The following NBAS variants were observed in gnomAD, a reference collection of about 807,000 sequenced individuals.
The protein encoded by NBAS is NBAS subunit of NRZ tethering complex.
In NBAS, 219 loss-of-function variants were observed where a neutral mutation model predicts 302.5. That is an observed-to-expected ratio of 0.72 (90% CI 0.65 to 0.81). The LOEUF (loss-of-function observed/expected upper bound fraction) is 0.81, where lower values mean the gene tolerates loss of function less well. Ranked by LOEUF, NBAS falls within the 30% of genes least tolerant of loss-of-function variation. The probability of loss-of-function intolerance (pLI) is 0.00; values close to 1 mark genes in which losing one functional copy is unlikely to be tolerated. For synonymous variants in NBAS, 1,118 were observed against 1,021.6 expected (o/e 1.09, Z -1.80); for missense variants, 2,932 against 2,841.6 (o/e 1.03, Z -0.72).
At chr2:15,121,233 T>C in the NBAS span, among the ~76,000 whole-genome samples, 1 of 152,224 alleles carries the variant, frequency 6.6e-6, no homozygotes, top group Non-Finnish European at 1.5e-5. Flanking sequence ...AGAACAAGCA[T>C]ACTATATCTT....
At chr2:14,923,369 A>G in the NBAS span, among the ~76,000 whole-genome samples, 2 of 152,148 alleles carry the variant, frequency 1.3e-5, no homozygotes, top group African/African-American at 4.8e-5. Context: ...GTAAATGCTA[A>G]TAGAGTTTGT....
the NBAS span, among the ~76,000 whole-genome samples, chr2:14,809,189 C>G: frequency 6.6e-6 from 1 of 152,170 alleles, no homozygotes; most frequent in Non-Finnish European, 1.5e-5. Context: ...GAAATTCAAG[C>G]TGGTTGCAGA....
chr2:15,507,109 G>A (rs1661894455), intron 10 of NBAS, among the ~76,000 whole-genome samples: 1 of 152,158 alleles, frequency 6.6e-6, no homozygotes, highest in South Asian at 2.1e-4. Context: ...CATGCTACAT[G>A]CTGATAAACC....
chr2:15,266,179 G>A (rs1382904209), intron 44 of NBAS, among the ~76,000 whole-genome samples: 3 of 152,146 alleles, frequency 2.0e-5, no homozygotes, highest in Admixed American at 6.5e-5. Context: ...CTCCATGATT[G>A]TAAGTTTCCT....
At chr2:15,287,553 T>C (rs1359602720) in intron 41 of NBAS, among the ~76,000 whole-genome samples, 1 of 152,148 alleles carries the variant, frequency 6.6e-6, no homozygotes, top group Non-Finnish European at 1.5e-5. Flanking sequence ...CTGAGCATCC[T>C]GCATAGACAG....
intron 25 of NBAS, among the ~76,000 whole-genome samples, chr2:15,410,192 TTTTTC>T (rs1572803973): frequency 1.3e-5 from 2 of 152,216 alleles, no homozygotes; most frequent in African/African-American, 2.4e-5. Flanking sequence ...TTATTTCTTC[TTTTTC>T]TTTTATTTTC....
chr2:15,258,558 C>CT (rs1034898993), intron 44 of NBAS, among the ~76,000 whole-genome samples: 1 of 152,138 alleles, frequency 6.6e-6, no homozygotes, highest in Non-Finnish European at 1.5e-5. Context: ...CTGGGAGTGT[C>CT]TGTCCTACGC....
the NBAS span, among the ~76,000 whole-genome samples, chr2:14,790,131 G>C: frequency 2.0e-5 from 3 of 152,176 alleles, no homozygotes; most frequent in African/African-American, 7.2e-5. Flanking sequence ...AAGTCACAGA[G>C]CCAGGATTCC....
At chr2:15,448,753 A>C (rs929330678) in intron 21 of NBAS, among the ~76,000 whole-genome samples, 12 of 152,220 alleles carry the variant, frequency 7.9e-5, no homozygotes, top group Admixed American at 2.6e-4. Flanking sequence ...TTCTTAGCAG[A>C]ATTTTTCTTC....
At chr2:15,079,468 G>T in the NBAS span, among the ~76,000 whole-genome samples, 1 of 152,064 alleles carries the variant, frequency 6.6e-6, no homozygotes, top group South Asian at 2.1e-4. Flanking sequence ...CCTTTCTGAG[G>T]TCTCAGCTGG....
chr2:15,444,797 C>A (rs994375451), intron 21 of NBAS, among the ~76,000 whole-genome samples: 2 of 151,396 alleles, frequency 1.3e-5, no homozygotes, highest in Non-Finnish European at 2.9e-5. Context: ...TGAACTCAAA[C>A]AAATTTACAA....
At chr2:15,024,530 G>A in the NBAS span, among the ~76,000 whole-genome samples, 5 of 152,072 alleles carry the variant, frequency 3.3e-5, no homozygotes, top group African/African-American at 9.7e-5. Flanking sequence ...TTAGTTCTTT[G>A]AGGAATGGCC....
intron 5 of NBAS, among the ~76,000 whole-genome samples, chr2:15,552,989 G>A (rs1298985966): frequency 6.6e-6 from 1 of 152,052 alleles, no homozygotes; most frequent in Non-Finnish European, 1.5e-5. Context: ...ATTTTCAGTA[G>A]AGACGGGGTT....
chr2:14,790,624 T>TCTCATC, the NBAS span, among the ~76,000 whole-genome samples: 3 of 151,198 alleles, frequency 2.0e-5, no homozygotes, highest in Non-Finnish European at 2.9e-5. Flanking sequence ...TGAAGGTAGA[T>TCTCATC]ACTTCTCACA....
Position 15,544,436 on chromosome 2 carries a change from A to G in NBAS, c.380-5080T>C, listed in dbSNP as rs537028458. Among the ~76,000 whole-genome samples, 5 of 152,222 alleles carry G rather than the reference A, an allele frequency of 3.3e-5. No individual in the cohort carries two copies. The East Asian group carries it at 9.7e-4, about 29-fold the overall frequency. ...GAAGAAGGGAGGGAGGGAATTCTCT[A>G]TGGGAAAAGATGCCACAACAAATTT... On this transcript the variant is annotated intron_variant, in intron 6 of 51. Coordinates refer to ENST00000281513, the MANE Select transcript of NBAS (RefSeq NM_015909.4).
At chr2:15,058,253 T>A in the NBAS span, among the ~76,000 whole-genome samples, 1 of 152,118 alleles carries the variant, frequency 6.6e-6, no homozygotes, top group Non-Finnish European at 1.5e-5. Flanking sequence ...TCTGGAGACA[T>A]TTTTGGTAGT....
chr2:15,376,827 C>G (rs1320578864), intron 30 of NBAS, among the ~76,000 whole-genome samples: 3 of 151,878 alleles, frequency 2.0e-5, no homozygotes, highest in African/African-American at 7.3e-5. Flanking sequence ...TAAAATACAC[C>G]CAGGCTCACA....
At chr2:14,993,569 A>T in the NBAS span, among the ~76,000 whole-genome samples, 1 of 152,246 alleles carries the variant, frequency 6.6e-6, no homozygotes, top group East Asian at 1.9e-4. Flanking sequence ...ATTGGTCCAA[A>T]TAATTTTGAA....
chr2:15,458,357 T>C lies in NBAS; in HGVS notation c.2339+2844A>G, dbSNP rs76429582. 8.3e-3 allele frequency among the ~76,000 whole-genome samples: 1,264 copies of C among 152,274 alleles called. 21 individuals carry two copies. The highest frequency in any genetic ancestry group is 0.059 in the East Asian group (306 of 5,174). On this transcript the variant is annotated intron_variant, in intron 21 of 51. Coordinates refer to ENST00000281513, the MANE Select transcript of NBAS (RefSeq NM_015909.4). ...TGTTTTTTCCCACCAAATCTCACAC[T>C]CAAATGTGATTCCCAGTGCTGGAGG...
Sources: gnomAD v4.1 joint callset for allele counts (sites outside exome capture counted in the v4.1 genomes callset) on GRCh38, gnomAD v4.1.1 for gene constraint, MANE v1.5 for transcripts, NCBI Gene and HGNC (gene_info 2026-07-23, HGNC 2026-07-21) for gene names.